SDK1: variants seen among roughly 807,000 people sequenced by gnomAD.
SDK1 encodes the protein sidekick cell adhesion molecule 1.
A neutral mutation model predicts 245.5 loss-of-function variants in SDK1; 157 were observed. The observed-to-expected ratio is 0.64, with a 90% CI of 0.56 to 0.73. The LOEUF (loss-of-function observed/expected upper bound fraction) is 0.73. SDK1 is among the 30% of genes least tolerant of loss of function. The pLI, the probability that SDK1 is intolerant of heterozygous loss-of-function variation, is 0.00. For missense variants in SDK1, 3,583 were observed against 3,002.3 expected, an observed-to-expected ratio of 1.19 and a Z score of -4.52; for synonymous variants, 1,647 against 1,278.5, an observed-to-expected ratio of 1.29 and a Z score of -6.15.
chr7:4,084,507 G>T (rs1026032508), intron 22 of SDK1, among the ~76,000 whole-genome samples: 2 of 152,162 alleles, frequency 1.3e-5, no homozygotes, highest in Non-Finnish European at 2.9e-5. Flanking sequence ...GTCAAATGCT[G>T]TTTAAAGACG....
At chr7:3,806,962 C>G (rs1272390744) in intron 4 of SDK1, among the ~76,000 whole-genome samples, 1 of 152,094 alleles carries the variant, frequency 6.6e-6, no homozygotes, top group African/African-American at 2.4e-5. Context: ...TTTCAATTTA[C>G]TCAGACTTTC....
chr7:3,457,975 T>A (rs995931621), intron 1 of SDK1, among the ~76,000 whole-genome samples: 2 of 152,258 alleles, frequency 1.3e-5, no homozygotes, highest in African/African-American at 4.8e-5. Flanking sequence ...TAAAAAGTTC[T>A]TGGTTGAAAA....
At chr7:3,502,025 T>G (rs1378888656) in intron 1 of SDK1, among the ~76,000 whole-genome samples, 1 of 152,138 alleles carries the variant, frequency 6.6e-6, no homozygotes, top group Non-Finnish European at 1.5e-5. Flanking sequence ...TAACAAAAAT[T>G]CCAATTACAT....
Position 3,356,926 on chromosome 7 carries a change from G to A in SDK1, c.298+55042G>A, listed in dbSNP as rs140120843. Among the ~76,000 whole-genome samples the A allele has an allele frequency of 8.6e-3, 1,288 of 149,918 alleles. 14 individuals carry two copies. Among genetic ancestry groups the A allele is most frequent in the African/African-American group, 0.029 (1,161 of 40,304 alleles). ...TAAAATTAGCTGGGCATGGTGGTGCGTGCTTCTAATCCCAGCTACTCAGGA... is the reference window on the plus strand; with the variant it reads ...TAAAATTAGCTGGGCATGGTGGTGCATGCTTCTAATCCCAGCTACTCAGGA... On this transcript the variant is annotated intron_variant, in intron 1 of 44. Transcript: ENST00000404826.
intron 1 of SDK1, among the ~76,000 whole-genome samples, chr7:3,308,872 T>C (rs936777055): frequency 2.0e-5 from 3 of 152,120 alleles, no homozygotes; most frequent in African/African-American, 7.2e-5. Flanking sequence ...CGATGAATAG[T>C]CTTTCCAATG....
chr7:4,211,693 T>C (rs1446609022), intron 38 of SDK1, among the ~76,000 whole-genome samples: 1 of 152,166 alleles, frequency 6.6e-6, no homozygotes. Context: ...CACTGCAAGC[T>C]CCGCCTCCCG....
intron 4 of SDK1, among the ~76,000 whole-genome samples, chr7:3,744,517 A>G (rs906020138): frequency 6.6e-6 from 1 of 152,192 alleles, no homozygotes; most frequent in Non-Finnish European, 1.5e-5. Flanking sequence ...GACCTAAAAG[A>G]AATAAGAAGA....
chr7:3,324,368 A>G (rs1779891382), intron 1 of SDK1, among the ~76,000 whole-genome samples: 1 of 152,206 alleles, frequency 6.6e-6, no homozygotes, highest in African/African-American at 2.4e-5. Flanking sequence ...CTAGTACCCT[A>G]GAAGCCTTAC....
chr7:3,336,245 C>CT (rs1780197034), intron 1 of SDK1, among the ~76,000 whole-genome samples: 1 of 152,226 alleles, frequency 6.6e-6, no homozygotes, highest in Non-Finnish European at 1.5e-5. Context: ...CACCCAGAGG[C>CT]TGAAGGCATG....
Position 3,308,191 on chromosome 7 carries a change from T to G in SDK1, c.298+6307T>G, listed in dbSNP as rs188702435. ...TGGAGAAATAAATTTTCTTAAAATG[T>G]GAGATGCTTATTTATATACATGGCT... On this transcript the variant is annotated intron_variant, in intron 1 of 44. Coordinates refer to ENST00000404826, the MANE Select transcript of SDK1 (RefSeq NM_152744.4). Among the ~76,000 whole-genome samples, 475 of 152,216 alleles carry G rather than the reference T, an allele frequency of 3.1e-3. 2 individuals carry two copies. The highest frequency in any genetic ancestry group is 5.3e-3 in the Non-Finnish European group (363 of 68,004).
intron 1 of SDK1, among the ~76,000 whole-genome samples, chr7:3,544,559 A>C (rs1192713213): frequency 2.0e-5 from 3 of 152,240 alleles, no homozygotes; most frequent in African/African-American, 7.2e-5. Context: ...TAGCGTTTAG[A>C]TTTTAAAATG....
intron 1 of SDK1, among the ~76,000 whole-genome samples, chr7:3,520,265 T>C (rs781471153): frequency 2.0e-5 from 3 of 152,154 alleles, no homozygotes; most frequent in Non-Finnish European, 4.4e-5. Flanking sequence ...TGCTTTCTTT[T>C]AGAGCTGCTG....
At chr7:3,403,849 ATATATATATATATATATATAAT>A (rs1778967997) in intron 1 of SDK1, among the ~76,000 whole-genome samples, 1 of 97,868 alleles carries the variant, frequency 1.0e-5, no homozygotes, top group African/African-American at 5.6e-5. Flanking sequence ...ATATATATAT[ATATATATATATATATATATAAT>A]ATATATATTT....
intron 4 of SDK1, among the ~76,000 whole-genome samples, chr7:3,647,255 T>G (rs1233464854): frequency 6.6e-6 from 1 of 152,210 alleles, no homozygotes; most frequent in Non-Finnish European, 1.5e-5. Context: ...TCTCTCTATT[T>G]TTTAAATTAT....
At chr7:3,627,236 C>T (rs965946176) in intron 2 of SDK1, among the ~76,000 whole-genome samples, 1 of 152,142 alleles carries the variant, frequency 6.6e-6, no homozygotes, top group African/African-American at 2.4e-5. Flanking sequence ...GCCAACACTA[C>T]CAGGCATTGT....
chr7:4,266,432 C>G lies in SDK1; in HGVS notation c.*1048C>G. The G allele has an allele frequency of 3.0e-6, 3 of 985,432 alleles. No individual in the cohort carries two copies. The highest frequency in any genetic ancestry group is 1.7e-5 in the African/African-American group (1 of 57,352). The allele number at this position is 985,432 out of a possible 1,614,324, so 61.0% of individuals were successfully genotyped here. A position where few individuals can be genotyped will look rare whatever the true frequency, so the allele number is the denominator to read the frequency against. On this transcript the variant is annotated 3_prime_UTR_variant, in exon 45 of 45. Transcript: ENST00000404826. Reference sequence around the variant, plus strand: ...ACACGCTCCCGACTCGCCTCGTGCACACCAGGCCGTCCCCTCCCTCTGTCC... The same window carrying G: ...ACACGCTCCCGACTCGCCTCGTGCAGACCAGGCCGTCCCCTCCCTCTGTCC...
intron 1 of SDK1, among the ~76,000 whole-genome samples, chr7:3,427,811 C>T (rs113184865): frequency 1.5e-4 from 23 of 152,092 alleles, no homozygotes; most frequent in Non-Finnish European, 2.9e-5. Flanking sequence ...CACCAAGCTC[C>T]TGTGGCTGCA....
chr7:4,106,453 A>G (rs1005207350), intron 22 of SDK1, among the ~76,000 whole-genome samples: 2 of 151,600 alleles, frequency 1.3e-5, no homozygotes, highest in African/African-American at 4.8e-5. Flanking sequence ...ACAGGCACCC[A>G]CCACCACGCC....
chr7:3,373,742 C>G (rs1376027267), intron 1 of SDK1, among the ~76,000 whole-genome samples: 2 of 151,410 alleles, frequency 1.3e-5, no homozygotes, highest in Admixed American at 6.6e-5. Context: ...ATTAGAAAAA[C>G]AAAGGTCAAC....
Sources: gnomAD v4.1 joint callset for allele counts (sites outside exome capture counted in the v4.1 genomes callset) on GRCh38, gnomAD v4.1.1 for gene constraint, MANE v1.5 for transcripts, NCBI Gene and HGNC (gene_info 2026-07-23, HGNC 2026-07-21) for gene names.